CNTN5: variants seen among roughly 807,000 people sequenced by gnomAD.
The protein encoded by CNTN5 is contactin 5.
A neutral mutation model predicts 129.1 loss-of-function variants in CNTN5; 77 were observed. The ratio of observed to expected loss-of-function variants is 0.60; its 90% CI spans 0.50 to 0.72. The LOEUF (loss-of-function observed/expected upper bound fraction) is 0.72. CNTN5 is among the 30% of genes least tolerant of loss of function. The probability of loss-of-function intolerance (pLI) is 0.00; values close to 1 mark genes in which losing one functional copy is unlikely to be tolerated. For synonymous variants in CNTN5, 509 were observed against 465.6 expected (o/e 1.09, Z -1.20); for missense variants, 1,478 against 1,328.8 (o/e 1.11, Z -1.75).
intron 7 of CNTN5, among the ~76,000 whole-genome samples, chr11:99,923,508 TACTTACATATTTG>T (rs1376120824): frequency 6.6e-6 from 1 of 152,216 alleles, no homozygotes; most frequent in Non-Finnish European, 1.5e-5. Context: ...ATTACTATTT[TACTTACATATTTG>T]ACTTTATTAT....
chr11:99,167,242 A>G (rs1238236468), intron 1 of CNTN5, among the ~76,000 whole-genome samples: 1 of 151,938 alleles, frequency 6.6e-6, no homozygotes, highest in Non-Finnish European at 1.5e-5. Context: ...ATTTTGTTAG[A>G]CTTGATAAAA....
At chr11:99,764,618 G>T (rs1276456851) in intron 3 of CNTN5, among the ~76,000 whole-genome samples, 4 of 152,084 alleles carry the variant, frequency 2.6e-5, no homozygotes, top group African/African-American at 7.2e-5. Context: ...GTTTCTTCAT[G>T]TTGGTCAGGC....
chr11:100,233,122 C>G (rs375872243), intron 16 of CNTN5, among the ~76,000 whole-genome samples: 1 of 152,136 alleles, frequency 6.6e-6, no homozygotes, highest in Admixed American at 6.5e-5. Flanking sequence ...TTTTAAATTA[C>G]TATACTGCCT....
intron 1 of CNTN5, among the ~76,000 whole-genome samples, chr11:99,056,299 G>C (rs555010563): frequency 2.1e-4 from 32 of 152,062 alleles, no homozygotes; most frequent in African/African-American, 6.7e-4. Context: ...CTAAACAAAA[G>C]ATGTGTACTT....
At chr11:100,156,247 C>A (rs181156390) in intron 13 of CNTN5, among the ~76,000 whole-genome samples, 3 of 152,232 alleles carry the variant, frequency 2.0e-5, no homozygotes, top group Non-Finnish European at 4.4e-5. Flanking sequence ...TTTTCTGCAT[C>A]TATTGAGATA....
At chr11:99,338,096 T>C (rs1367221609) in intron 2 of CNTN5, among the ~76,000 whole-genome samples, 1 of 152,198 alleles carries the variant, frequency 6.6e-6, no homozygotes, top group Non-Finnish European at 1.5e-5. Context: ...AGTGGTTCCT[T>C]CCATTTACAT....
chr11:99,501,888 G>A (rs1314929792), intron 2 of CNTN5, among the ~76,000 whole-genome samples: 2 of 152,168 alleles, frequency 1.3e-5, no homozygotes, highest in African/African-American at 2.4e-5. Context: ...TGACTCATAG[G>A]CATTTAGTGA....
intron 3 of CNTN5, among the ~76,000 whole-genome samples, chr11:99,593,089 T>C (rs1488279131): frequency 6.6e-6 from 1 of 152,208 alleles, no homozygotes; most frequent in Non-Finnish European, 1.5e-5. Flanking sequence ...CTACCAAGAC[T>C]GGCTTTTATA....
chr11:99,913,824 G>C (rs760369449), intron 6 of CNTN5, among the ~76,000 whole-genome samples: 1 of 152,074 alleles, frequency 6.6e-6, no homozygotes, highest in Non-Finnish European at 1.5e-5. Context: ...TGTAGTAAAT[G>C]GATTGAAATG....
intron 2 of CNTN5, among the ~76,000 whole-genome samples, chr11:99,382,844 ACTT>A (rs1311964405): frequency 1.4e-5 from 1 of 69,402 alleles, no homozygotes; most frequent in African/African-American, 7.2e-5. Flanking sequence ...TCTCTAAATA[ACTT>A]TTTTTTTTTT....
chr11:99,291,906 G>A (rs771561441), intron 1 of CNTN5, among the ~76,000 whole-genome samples: 31 of 151,960 alleles, frequency 2.0e-4, no homozygotes, highest in Non-Finnish European at 4.1e-4. Context: ...GCAAATAAGT[G>A]GCAATACTTA....
intron 2 of CNTN5, among the ~76,000 whole-genome samples, chr11:99,479,630 A>G (rs1945512788): frequency 6.6e-6 from 1 of 152,106 alleles, no homozygotes; most frequent in Non-Finnish European, 1.5e-5. Context: ...GCATAAAGCT[A>G]AAATACCACT....
At chr11:100,246,272 T>C (rs1043094389) in intron 16 of CNTN5, among the ~76,000 whole-genome samples, 19 of 152,162 alleles carry the variant, frequency 1.2e-4, no homozygotes, top group African/African-American at 4.6e-4. Context: ...TGATATAAGG[T>C]TGACATTATC....
chr11:100,040,381 T>G (rs934540177), intron 9 of CNTN5, among the ~76,000 whole-genome samples: 15 of 152,176 alleles, frequency 9.9e-5, no homozygotes, highest in African/African-American at 3.6e-4. Context: ...CCGCCCCTAC[T>G]TGGGGGTGCC....
At chr11:99,155,713 C>A (rs548282885) in intron 1 of CNTN5, among the ~76,000 whole-genome samples, 1 of 151,048 alleles carries the variant, frequency 6.6e-6, no homozygotes, top group Non-Finnish European at 1.5e-5. Flanking sequence ...AATAAAAAGA[C>A]TACTTGCCCT....
At chr11:99,125,821 C>G (rs10219315) in intron 1 of CNTN5, among the ~76,000 whole-genome samples, 138,865 of 152,166 alleles carry the variant, frequency 0.91, 63,477 homozygotes, top group East Asian at 1. Flanking sequence ...CTCTTAAATG[C>G]AATTTTTGAC....
intron 18 of CNTN5, among the ~76,000 whole-genome samples, chr11:100,293,178 A>G (rs957496907): frequency 6.6e-6 from 1 of 151,840 alleles, no homozygotes; most frequent in African/African-American, 2.4e-5. Context: ...CATTTAGTTC[A>G]TTGTGGATCC....
chr11:99,384,569 A>G (rs1442023532), intron 2 of CNTN5, among the ~76,000 whole-genome samples: 1 of 152,196 alleles, frequency 6.6e-6, no homozygotes. Context: ...TGTTGACAAG[A>G]GAAAAAGTGC....
At chr11:100,050,800 A>C (rs1389694723) in intron 9 of CNTN5, among the ~76,000 whole-genome samples, 1 of 152,136 alleles carries the variant, frequency 6.6e-6, no homozygotes. Context: ...AGAGTATCTT[A>C]ATATCAAAGT....
Sources: gnomAD v4.1 joint callset for allele counts (sites outside exome capture counted in the v4.1 genomes callset) on GRCh38, gnomAD v4.1.1 for gene constraint, MANE v1.5 for transcripts, NCBI Gene and HGNC (gene_info 2026-07-23, HGNC 2026-07-21) for gene names.